Variants in DNAJC3 observed in about 807,000 individuals in gnomAD.
The protein encoded by DNAJC3 is DnaJ heat shock protein family (Hsp40) member C3.
In DNAJC3, 38 loss-of-function variants were observed where a neutral mutation model predicts 68.6. The observed-to-expected ratio is 0.55, with a 90% confidence interval of 0.43 to 0.73. The LOEUF is 0.73. DNAJC3 is among the 30% of genes least tolerant of loss of function. The pLI is 0.00. For synonymous variants in DNAJC3, 203 were observed against 204.0 expected (o/e 1.00, Z 0.04); for missense variants, 526 against 591.9 (o/e 0.89, Z 1.16).
At chr13:95,681,171 G>A (rs1348177402) in intron 1 of DNAJC3, among the ~76,000 whole-genome samples, 1 of 152,092 alleles carries the variant, frequency 6.6e-6, no homozygotes, top group African/African-American at 2.4e-5. Flanking sequence ...CATTATTGTA[G>A]TTAGTGTACT....
rs1880061927 is a variant in DNAJC3 at position 95,685,897 on chromosome 13, CA to C, written c.82+8561del. 2.0e-5 allele frequency among the ~76,000 whole-genome samples: 3 copies of C among 151,658 alleles called. No homozygotes were observed. The South Asian group carries it at 6.2e-4, about 32-fold the overall frequency. The stretch of plus-strand genomic sequence containing the variant: ...CATTTCTCTGATGATTAGTGATGAA[CA>C]TTTTTTCATGTTTGTTGGCTGCTTG... On this transcript the variant is annotated intron_variant, in intron 1 of 11. Transcript: ENST00000602402.
chr13:95,740,752 A>G (rs889797709), intron 4 of DNAJC3, among the ~76,000 whole-genome samples: 4 of 152,338 alleles, frequency 2.6e-5, no homozygotes, highest in Admixed American at 6.5e-5. Context: ...TCAGATGGAA[A>G]TGCAGAAATC....
chr13:95,778,197 C>G (rs1208461729), intron 9 of DNAJC3, among the ~76,000 whole-genome samples: 1 of 152,006 alleles, frequency 6.6e-6, no homozygotes, highest in African/African-American at 2.4e-5. Context: ...CTCAAGGGAC[C>G]ATGAAAAGTC....
rs1879774054 is a variant in DNAJC3, at chr13:95,677,178, G to T, written c.-78G>T. On this transcript the variant is annotated 5_prime_UTR_variant, in exon 1 of 12. Transcript: ENST00000602402. ...CTGAGCGAGAGCCGACGGCGGGCGG[G>T]CGCAGCTGCTGCCGGAGCGCCGGCG... is the stretch of plus-strand genomic sequence containing the variant. 6.5e-6 allele frequency: 9 copies of T among 1,389,808 alleles called. No individual in the cohort carries two copies. In the Admixed American group the frequency reaches 1.2e-4, roughly 18 times the overall value. 86.1% of individuals were successfully genotyped at this position (1,389,808 alleles called of 1,614,324 possible).
At chr13:95,716,048 C>T (rs1279032943) in intron 2 of DNAJC3, among the ~76,000 whole-genome samples, 2 of 151,846 alleles carry the variant, frequency 1.3e-5, no homozygotes, top group Non-Finnish European at 2.9e-5. Context: ...ATCCCAGCTA[C>T]TTGGGAAGCT....
chr13:95,775,495 C>A (rs939408407), intron 9 of DNAJC3, among the ~76,000 whole-genome samples: 2 of 152,094 alleles, frequency 1.3e-5, no homozygotes, highest in African/African-American at 2.4e-5. Flanking sequence ...TTTTAATATA[C>A]CCAAGTTTCT....
chr13:95,777,934 T>C (rs1883333664), intron 9 of DNAJC3, among the ~76,000 whole-genome samples: 1 of 152,176 alleles, frequency 6.6e-6, no homozygotes, highest in African/African-American at 2.4e-5. Flanking sequence ...TTTTTTTAAA[T>C]TGAAATTTTA....
chr13:95,691,469 G>C (rs1391306781), intron 1 of DNAJC3, among the ~76,000 whole-genome samples: 20 of 152,138 alleles, frequency 1.3e-4, no homozygotes, highest in South Asian at 8.3e-4. Context: ...CGGCCGGGCA[G>C]AGATGCTCCT....
rs892491402 is a variant in DNAJC3, at chr13:95,722,833, C to G, written c.194-409C>G. ...CTTGTCCGCCCCCCCCCCCCCCCCC[C>G]CCCCCCGCCGAAAAAGGTTATAAGT... On this transcript the variant is annotated intron_variant, in intron 2 of 11. Coordinates refer to ENST00000602402, the MANE Select transcript of DNAJC3 (RefSeq NM_006260.5). Among the ~76,000 whole-genome samples the G allele has an allele frequency of 9.6e-5, 3 of 31,168 alleles. 1 individual carries two copies. The highest frequency in any genetic ancestry group is 2.1e-4 in the African/African-American group (2 of 9,688). 20.4% of individuals were successfully genotyped at this position (31,168 alleles called of 152,430 possible).
chr13:95,704,654 T>A (rs1174139855), intron 1 of DNAJC3, among the ~76,000 whole-genome samples: 1 of 152,102 alleles, frequency 6.6e-6, no homozygotes, highest in Non-Finnish European at 1.5e-5. Context: ...ATATCTGGAA[T>A]ATGAGAAACG....
At chr13:95,689,745 A>G (rs1000469753) in intron 1 of DNAJC3, among the ~76,000 whole-genome samples, 3 of 152,066 alleles carry the variant, frequency 2.0e-5, no homozygotes, top group African/African-American at 7.2e-5. Flanking sequence ...TGCTGTAAAC[A>G]TGCTTCATAG....
chr13:95,709,417 A>C, intron 2 of DNAJC3, 80 bp downstream of exon 2: 6 of 963,918 alleles, frequency 6.2e-6, no homozygotes, highest in Non-Finnish European at 9.1e-6. Flanking sequence ...AATAACATTT[A>C]AAATAAACAT....
At chr13:95,746,575 T>G (rs1301819786) in intron 4 of DNAJC3, among the ~76,000 whole-genome samples, 1 of 152,244 alleles carries the variant, frequency 6.6e-6, no homozygotes, top group African/African-American at 2.4e-5. Context: ...GCCTATTTTA[T>G]ATTTACCAAT....
intron 1 of DNAJC3, among the ~76,000 whole-genome samples, chr13:95,686,889 G>A (rs1880087346): frequency 6.6e-6 from 1 of 152,130 alleles, no homozygotes; most frequent in South Asian, 2.1e-4. Flanking sequence ...ATGGACTTTA[G>A]AATTGTTTTT....
chr13:95,764,005 A>G, intron 9 of DNAJC3, 52 bp downstream of exon 9: 1 of 1,588,398 alleles, frequency 6.3e-7, no homozygotes, highest in Non-Finnish European at 8.6e-7. Context: ...TTAGGAAATT[A>G]TCACATTTTA....
chr13:95,688,925 TGG>T (rs140263730), intron 1 of DNAJC3, among the ~76,000 whole-genome samples: 1,838 of 113,044 alleles, frequency 0.016, 23 homozygotes, highest in Middle Eastern at 0.064. Flanking sequence ...TTTGATTGTG[TGG>T]GTGTGTGTGT....
intron 4 of DNAJC3, among the ~76,000 whole-genome samples, chr13:95,753,274 AC>A (rs1206800890): frequency 6.6e-6 from 1 of 151,848 alleles, no homozygotes; most frequent in Admixed American, 6.6e-5. Context: ...TCAGTCGCTC[AC>A]CCCCTGACTT....
At chr13:95,761,633 A>G (rs1160295036) in intron 7 of DNAJC3, among the ~76,000 whole-genome samples, 1 of 152,232 alleles carries the variant, frequency 6.6e-6, no homozygotes, top group African/African-American at 2.4e-5. Flanking sequence ...TGTTGCCCTT[A>G]TAGCCACACC....
intron 9 of DNAJC3, among the ~76,000 whole-genome samples, chr13:95,776,311 G>A (rs1373238796): frequency 1.3e-5 from 2 of 152,128 alleles, no homozygotes; most frequent in Non-Finnish European, 2.9e-5. Context: ...ATTAATTAGG[G>A]TAAGGATTCA....
Sources: gnomAD v4.1 joint callset for allele counts (sites outside exome capture counted in the v4.1 genomes callset) on GRCh38, gnomAD v4.1.1 for gene constraint, MANE v1.5 for transcripts, NCBI Gene and HGNC (gene_info 2026-07-23, HGNC 2026-07-21) for gene names.